GLRA2: variants seen among roughly 807,000 people sequenced by gnomAD.
The protein encoded by GLRA2 is glycine receptor alpha 2, also known as glycine receptor subunit alpha-2.
In GLRA2, 11 loss-of-function variants were observed where a neutral mutation model predicts 31.6. That is an observed-to-expected ratio of 0.35 (90% CI 0.22 to 0.58). The LOEUF (loss-of-function observed/expected upper bound fraction) is 0.58. GLRA2 is among the 20% of genes least tolerant of loss of function. The pLI, the probability that GLRA2 is intolerant of heterozygous loss-of-function variation, is 0.84. For missense variants in GLRA2, 212 were observed against 351.8 expected, an observed-to-expected ratio of 0.60 and a Z score of 3.18; for synonymous variants, 132 against 134.0, an observed-to-expected ratio of 0.99 and a Z score of 0.10.
chrX:14,531,323 G>A (rs925765046), intron 1 of GLRA2: 14 of 271,264 alleles, frequency 5.2e-5, no homozygotes, highest in Non-Finnish European at 9.5e-5. Flanking sequence ...GACACTATTT[G>A]TTAAACTATT....
At chrX:14,529,408 G>C (rs1359663354), upstream of GLRA2, 2 of 110,108 alleles carry the variant, frequency 1.8e-5, no homozygotes, top group East Asian at 5.8e-4. Context: ...TCGAACAGCA[G>C]GCACGTCCCC....
At chrX:14,591,974 C>T (rs1299584623) in intron 4 of GLRA2, among the ~76,000 whole-genome samples, 1 of 111,570 alleles carries the variant, frequency 9.0e-6, no homozygotes, top group Non-Finnish European at 1.9e-5. Flanking sequence ...CACTTCCTTT[C>T]ATCATTTACT....
the GLRA2 span, among the ~76,000 whole-genome samples, chrX:14,473,157 A>C: frequency 8.9e-6 from 1 of 111,988 alleles, no homozygotes; most frequent in Middle Eastern, 4.6e-3. Context: ...TTGTTTATTA[A>C]CAATTGGAAG....
At chrX:14,456,724 T>C in the GLRA2 span, among the ~76,000 whole-genome samples, 1 of 112,669 alleles carries the variant, frequency 8.9e-6, no homozygotes, top group South Asian at 3.6e-4. Context: ...TTCCATCATG[T>C]GTATGTGCCA....
intron 8 of GLRA2, among the ~76,000 whole-genome samples, chrX:14,722,045 CACA>C (rs916221498): frequency 2.7e-5 from 3 of 111,794 alleles, no homozygotes; most frequent in African/African-American, 9.8e-5. Context: ...AAGATAATGC[CACA>C]ACATTTCAGT....
At chrX:14,482,666 A>G in the GLRA2 span, among the ~76,000 whole-genome samples, 1 of 111,147 alleles carries the variant, frequency 9.0e-6, no homozygotes, top group South Asian at 3.8e-4. Flanking sequence ...AGAACATCTC[A>G]GCCAGGGGCC....
At chrX:14,650,969 A>G (rs1471430755) in intron 7 of GLRA2, among the ~76,000 whole-genome samples, 1 of 112,056 alleles carries the variant, frequency 8.9e-6, no homozygotes. Flanking sequence ...CTGATGCTGA[A>G]AATGTGTTCT....
intron 7 of GLRA2, among the ~76,000 whole-genome samples, chrX:14,613,560 A>T (rs182842579): frequency 4.5e-5 from 5 of 111,989 alleles, no homozygotes; most frequent in Admixed American, 2.8e-4. Context: ...TAAGTAATCT[A>T]GAGATGATTT....
chrX:14,594,337 T>G (rs1295112298), intron 4 of GLRA2, among the ~76,000 whole-genome samples: 1 of 111,329 alleles, frequency 9.0e-6, no homozygotes, highest in Admixed American at 9.7e-5. Context: ...TTTCTTCACC[T>G]CAGTGCCACG....
In GLRA2 at chrX:14,574,609, G is replaced by A. The variant is rs182390258; in HGVS notation, c.270+209G>A. 131 of 917,265 alleles carry A rather than the reference G, an allele frequency of 1.4e-4. No homozygotes were observed. The Admixed American group carries it at 2.8e-3, about 19-fold the overall frequency. The allele number at this position is 917,265 out of a possible 1,213,427, so 75.6% of individuals were successfully genotyped here. The stretch of plus-strand genomic sequence containing the variant: ...CATCGTGTGAAGGAATGGGATGTGG[G>A]ATTGAAGTGCACTGTGGCATATTTG... On this transcript the variant is annotated intron_variant, in intron 3 of 8. Coordinates refer to ENST00000218075, the MANE Select transcript of GLRA2 (RefSeq NM_002063.4).
chrX:14,717,733 T>G (rs1404601094), intron 8 of GLRA2, among the ~76,000 whole-genome samples: 3 of 94,625 alleles, frequency 3.2e-5, no homozygotes, highest in Non-Finnish European at 6.4e-5. Context: ...AAGATCCTTC[T>G]GTAAAGTAAA....
Position 14,530,028 on chromosome X carries a change from A to T in GLRA2, c.-30A>T. The T allele has an allele frequency of 3.7e-6, 4 of 1,088,405 alleles. No homozygotes were observed. The highest frequency in any genetic ancestry group is 5.1e-6 in the Non-Finnish European group (4 of 782,542). 89.7% of individuals were successfully genotyped at this position (1,088,405 alleles called of 1,213,427 possible). On this transcript the variant is annotated 5_prime_UTR_variant, in exon 1 of 9. Coordinates refer to ENST00000218075, the MANE Select transcript of GLRA2 (RefSeq NM_002063.4). The stretch of plus-strand genomic sequence containing the variant: ...AGCATCTTTCTGGAATCATTTCGGG[A>T]TATTTTCCACAAGCAACACAGAAAC...
At chrX:14,582,225 C>G (rs190036915) in intron 4 of GLRA2, among the ~76,000 whole-genome samples, 1 of 77,917 alleles carries the variant, frequency 1.3e-5, no homozygotes, top group African/African-American at 5.0e-5. Context: ...CCCTCCCCAC[C>G]CCCACAACAG....
At chrX:14,717,733 T>A (rs1404601094) in intron 8 of GLRA2, among the ~76,000 whole-genome samples, 3 of 94,650 alleles carry the variant, frequency 3.2e-5, no homozygotes, top group Admixed American at 1.2e-4. Context: ...AAGATCCTTC[T>A]GTAAAGTAAA....
chrX:14,669,774 G>C (rs905983073), intron 7 of GLRA2, among the ~76,000 whole-genome samples: 1 of 111,450 alleles, frequency 9.0e-6, no homozygotes, highest in Non-Finnish European at 1.9e-5. Context: ...TTTCCTCCTA[G>C]GCCTCTGGGC....
upstream of GLRA2, among the ~76,000 whole-genome samples, chrX:14,528,475 T>A (rs1315819336): frequency 8.9e-6 from 1 of 112,228 alleles, no homozygotes; most frequent in East Asian, 2.8e-4. Context: ...TCCTAGCTTA[T>A]GGTAGGACAT....
chrX:14,723,880 G>C (rs1018368659), intron 8 of GLRA2, among the ~76,000 whole-genome samples: 28 of 112,179 alleles, frequency 2.5e-4, no homozygotes, highest in African/African-American at 9.1e-4. Flanking sequence ...CCTTATCATA[G>C]TTAGTAATTA....
At chrX:14,687,326 A>G (rs2091290115) in intron 7 of GLRA2, among the ~76,000 whole-genome samples, 1 of 111,004 alleles carries the variant, frequency 9.0e-6, no homozygotes, top group African/African-American at 3.3e-5. Flanking sequence ...CATTCTCTGT[A>G]TTTCCTGAAT....
chrX:14,574,422 G>T, intron 3 of GLRA2, 22 bp downstream of exon 3: 1 of 1,159,885 alleles, frequency 8.6e-7, no homozygotes, highest in Non-Finnish European at 1.2e-6. Flanking sequence ...AATGCCACTG[G>T]CAAGAGAAAG....
Sources: gnomAD v4.1 joint callset for allele counts (sites outside exome capture counted in the v4.1 genomes callset) on GRCh38, gnomAD v4.1.1 for gene constraint, MANE v1.5 for transcripts, NCBI Gene and HGNC (gene_info 2026-07-23, HGNC 2026-07-21) for gene names.